The following RTF2 variants were observed in gnomAD, a reference collection of about 807,000 sequenced individuals.
RTF2 encodes UPF0549 protein C20orf43.
In RTF2, 18 loss-of-function variants were observed where a neutral mutation model predicts 38.0. That is an observed-to-expected ratio of 0.47 (90% CI 0.33 to 0.70). RTF2 has a LOEUF of 0.70. RTF2 is among the 30% of genes least tolerant of loss of function. The probability of loss-of-function intolerance (pLI) is 0.02; values close to 1 mark genes in which losing one functional copy is unlikely to be tolerated. For synonymous variants in RTF2, 126 were observed against 137.1 expected (o/e 0.92, Z 0.57); for missense variants, 311 against 379.6 (o/e 0.82, Z 1.50).
At chr20:56,514,878 A>G (rs1216439986) in intron 6 of RTF2, among the ~76,000 whole-genome samples, 1 of 152,150 alleles carries the variant, frequency 6.6e-6, no homozygotes, top group Non-Finnish European at 1.5e-5. Context: ...ATTCCTAACA[A>G]CTGTTTAAAG....
intron 6 of RTF2, chr20:56,513,744 A>C (rs1984845421): frequency 3.9e-6 from 1 of 256,990 alleles, no homozygotes; most frequent in East Asian, 7.5e-5. Flanking sequence ...ACACGGCCTC[A>C]GCAAGCCCTT....
chr20:56,481,304 T>C (rs576231665), intron 4 of RTF2, among the ~76,000 whole-genome samples: 1 of 152,336 alleles, frequency 6.6e-6, no homozygotes, highest in African/African-American at 2.4e-5. Flanking sequence ...TTAACAGGTG[T>C]ACATGGACAC....
At chr20:56,514,828 A>C (rs1373446965) in intron 6 of RTF2, among the ~76,000 whole-genome samples, 9 of 152,208 alleles carry the variant, frequency 5.9e-5, no homozygotes, top group Admixed American at 5.9e-4. Flanking sequence ...ATGCGAGTAG[A>C]AATACTCCGT....
chr20:56,470,100 C>T (rs1219387241), intron 1 of RTF2, among the ~76,000 whole-genome samples: 5 of 152,126 alleles, frequency 3.3e-5, no homozygotes, highest in African/African-American at 1.2e-4. Context: ...ATAATAGACA[C>T]CTAATAAGTA....
chr20:56,470,434 A>T (rs1183778223), intron 1 of RTF2, among the ~76,000 whole-genome samples: 1 of 152,230 alleles, frequency 6.6e-6, no homozygotes, highest in Non-Finnish European at 1.5e-5. Flanking sequence ...TACCATATAT[A>T]CATTGTTGTA....
At chr20:56,478,432 C>A (rs1371253268) in intron 4 of RTF2, among the ~76,000 whole-genome samples, 2 of 152,112 alleles carry the variant, frequency 1.3e-5, no homozygotes, top group Non-Finnish European at 2.9e-5. Context: ...GAATTCAAGG[C>A]TGCAGTGAGG....
At chr20:56,496,878 G>A in intron 5 of RTF2, 2 of 1,551,760 alleles carry the variant, frequency 1.3e-6, no homozygotes, top group South Asian at 1.2e-5. Context: ...ACTTTGACTT[G>A]TCTTGGATTT....
At chr20:56,472,605 T>C (rs1982030508) in intron 1 of RTF2, among the ~76,000 whole-genome samples, 1 of 152,202 alleles carries the variant, frequency 6.6e-6, no homozygotes, top group Admixed American at 6.5e-5. Flanking sequence ...TTCTCAGTTC[T>C]TAAGTCTTTA....
At chr20:56,513,240 G>C in intron 5 of RTF2, 75 bp from the exon 6 acceptor site, 1 of 1,533,668 alleles carries the variant, frequency 6.5e-7, no homozygotes, top group Non-Finnish European at 8.8e-7. Flanking sequence ...GCTTGGGGCT[G>C]AGAGTGGGGG....
intron 5 of RTF2, among the ~76,000 whole-genome samples, chr20:56,493,202 T>C (rs1983285705): frequency 6.6e-6 from 1 of 152,108 alleles, no homozygotes. Context: ...AAGGAAATAC[T>C]GTTTTTAAAA....
chr20:56,497,010 T>A, intron 5 of RTF2: 2 of 1,551,876 alleles, frequency 1.3e-6, no homozygotes, highest in Non-Finnish European at 1.7e-6. Flanking sequence ...ATTGATGACA[T>A]AGTTCCATTG....
At chr20:56,497,051 A>G (rs762927643) in intron 5 of RTF2, 58 of 1,551,576 alleles carry the variant, frequency 3.7e-5, no homozygotes, top group Non-Finnish European at 4.8e-5. Flanking sequence ...CTTTCATACA[A>G]TTAATATCTG....
intron 3 of RTF2, among the ~76,000 whole-genome samples, chr20:56,476,318 CAGAG>C (rs1207358152): frequency 6.6e-6 from 1 of 152,048 alleles, no homozygotes; most frequent in Non-Finnish European, 1.5e-5. Flanking sequence ...GAAGCAGCCT[CAGAG>C]AGGATTCATC....
intron 5 of RTF2, among the ~76,000 whole-genome samples, chr20:56,492,425 G>A (rs62210663): frequency 0.44 from 64,447 of 147,430 alleles, 14,291 homozygotes; most frequent in Non-Finnish European, 0.45. Context: ...CAAACATTGA[G>A]GTGGGAATTA....
intron 5 of RTF2, among the ~76,000 whole-genome samples, chr20:56,511,701 A>G (rs1474133139): frequency 6.6e-6 from 1 of 152,100 alleles, no homozygotes; most frequent in Non-Finnish European, 1.5e-5. Context: ...ACAAGATGCC[A>G]ATAGCACCTG....
intron 5 of RTF2, among the ~76,000 whole-genome samples, chr20:56,504,466 A>C (rs1007867186): frequency 4.6e-5 from 7 of 152,210 alleles, no homozygotes; most frequent in Admixed American, 6.5e-5. Context: ...CATTAAGGAG[A>C]TAAATAAAAG....
chr20:56,500,462 C>T (rs982299114), intron 5 of RTF2, among the ~76,000 whole-genome samples: 4 of 152,192 alleles, frequency 2.6e-5, no homozygotes, highest in East Asian at 1.9e-4. Context: ...TTTGGCTGTG[C>T]GCCGAGCCCA....
At chr20:56,489,906 C>A (rs753505911) in intron 5 of RTF2, among the ~76,000 whole-genome samples, 4 of 152,186 alleles carry the variant, frequency 2.6e-5, no homozygotes, top group Non-Finnish European at 5.9e-5. Flanking sequence ...CCAGCTATCG[C>A]CTTTGGGGGC....
In RTF2 at chr20:56,513,397, A is replaced by C; in HGVS notation, c.560A>C (p.Glu187Ala). Reference sequence around the variant, plus strand: ...GTGGACGTGCTGAAGACAAGGATGGAGGAGAGAAGGCTGAGAGCGAAGCTG... The same window carrying C: ...GTGGACGTGCTGAAGACAAGGATGGCGGAGAGAAGGCTGAGAGCGAAGCTG... ...EDVDVLKTRM[E>A]ERRLRAKLEK... Residue 187 changes from glutamate to alanine, a missense_variant, in exon 6 of 9, where the codon GAG (glutamate) becomes GCG (alanine). Coordinates refer to ENST00000357348, the MANE Select transcript of RTF2 (RefSeq NM_016407.5). The C allele has an allele frequency of 6.2e-7, 1 of 1,606,196 alleles. No individual in the cohort carries two copies. Among genetic ancestry groups the C allele is most frequent in the East Asian group, 2.2e-5 (1 of 44,692 alleles).
Sources: allele counts gnomAD v4.1 joint callset (sites outside exome capture counted in the v4.1 genomes callset), GRCh38; gene constraint gnomAD v4.1.1; transcripts MANE v1.5; gene names NCBI Gene and HGNC (gene_info 2026-07-23, HGNC 2026-07-21).